PSAT1: variants seen among roughly 807,000 people sequenced by gnomAD.
PSAT1 encodes phosphoserine aminotransferase.
In PSAT1, 41 loss-of-function variants were observed where a neutral mutation model predicts 40.3. The observed-to-expected ratio is 1.02, with a 90% CI of 0.79 to 1.32. PSAT1 has a LOEUF of 1.32. Among genes scored for constraint, PSAT1 ranks in the 40% most tolerant of loss-of-function variants. The pLI, the probability that PSAT1 is intolerant of heterozygous loss-of-function variation, is 0.00. For missense variants in PSAT1, 406 were observed against 455.8 expected, an observed-to-expected ratio of 0.89 and a Z score of 0.99; for synonymous variants, 147 against 170.5, an observed-to-expected ratio of 0.86 and a Z score of 1.07.
chr9:78,309,807 G>T (rs1180596546), intron 6 of PSAT1, among the ~76,000 whole-genome samples: 1 of 152,200 alleles, frequency 6.6e-6, no homozygotes. Flanking sequence ...TGGGTATTTT[G>T]AGAAAATCTT....
chr9:78,307,781 C>A (rs189503654), intron 5 of PSAT1, among the ~76,000 whole-genome samples: 74 of 152,304 alleles, frequency 4.9e-4, no homozygotes, highest in African/African-American at 1.7e-3. Context: ...GTGGCTCAGG[C>A]CTGTAATCCC....
At chr9:78,305,197 C>T (rs1828163532) in intron 4 of PSAT1, among the ~76,000 whole-genome samples, 1 of 152,192 alleles carries the variant, frequency 6.6e-6, no homozygotes, top group African/African-American at 2.4e-5. Flanking sequence ...TCACTGCAAC[C>T]TCCGCCTCCC....
chr9:78,327,788 T>C (rs945740374), intron 7 of PSAT1, among the ~76,000 whole-genome samples: 2 of 152,180 alleles, frequency 1.3e-5, no homozygotes, highest in Non-Finnish European at 2.9e-5. Flanking sequence ...ATATTATTAT[T>C]CCCAGTATTC....
chr9:78,306,329 G>A lies in PSAT1; in HGVS notation c.413G>A (p.Ser138Asn). 2 of 1,612,226 alleles carry A rather than the reference G, an allele frequency of 1.2e-6. No individual in the cohort carries two copies. Among genetic ancestry groups the A allele is most frequent in the Non-Finnish European group, 1.7e-6 (2 of 1,179,884 alleles). ...TCTGTGATAGAAATTCCAGATCCAA[G>A]CACCTGGAACCTCAACCCAGATGCC... ...LGSYTKIPDPSTWNLNPDASY... is the reference protein window; with the variant it reads ...LGSYTKIPDPNTWNLNPDASY... Residue 138 changes from serine (S) to asparagine (N), a missense_variant, in exon 5 of 9, where the codon AGC becomes AAC. By Grantham distance (46) the Ser-to-Asn change is conservative (BLOSUM62 1). Coordinates refer to ENST00000376588, the MANE Select transcript of PSAT1 (RefSeq NM_058179.4).
intron 7 of PSAT1, among the ~76,000 whole-genome samples, chr9:78,325,399 TCCCAGCA>T (rs1828482410): frequency 6.6e-6 from 1 of 152,294 alleles, no homozygotes; most frequent in Non-Finnish European, 1.5e-5. Context: ...CCAGTCCAGT[TCCCAGCA>T]GGGCACTCCA....
intron 1 of PSAT1, 105 bp downstream of exon 1, chr9:78,297,375 T>A: frequency 6.8e-6 from 9 of 1,316,644 alleles, no homozygotes; most frequent in Non-Finnish European, 9.5e-6. Context: ...CTCCCTGCCT[T>A]GAGTCCCCTA....
chr9:78,317,134 A>G (rs577310157), intron 6 of PSAT1, among the ~76,000 whole-genome samples: 1 of 152,308 alleles, frequency 6.6e-6, no homozygotes, highest in South Asian at 2.1e-4. Flanking sequence ...TGTTTAGTGA[A>G]AAATCTGATT....
chr9:78,317,566 A>G, intron 6 of PSAT1, 110 bp from the exon 7 acceptor site: 1 of 1,297,432 alleles, frequency 7.7e-7, no homozygotes, highest in Non-Finnish European at 1.1e-6. Flanking sequence ...GTCTATTTCA[A>G]ATAATGTGTT....
At chr9:78,297,769 G>T (rs749390845) in intron 1 of PSAT1, among the ~76,000 whole-genome samples, 1 of 152,228 alleles carries the variant, frequency 6.6e-6, no homozygotes, top group Non-Finnish European at 1.5e-5. Context: ...ATATGCAGTG[G>T]ATCACGTTAG....
chr9:78,320,068 C>T (rs1430837709), intron 7 of PSAT1, among the ~76,000 whole-genome samples: 1 of 151,836 alleles, frequency 6.6e-6, no homozygotes, highest in Non-Finnish European at 1.5e-5. Flanking sequence ...ACCATTGACC[C>T]ACCCATCCAT....
chr9:78,298,647 A>G (rs1042371908), intron 1 of PSAT1, among the ~76,000 whole-genome samples: 1 of 151,998 alleles, frequency 6.6e-6, no homozygotes, highest in Non-Finnish European at 1.5e-5. Flanking sequence ...TGTAATGGCA[A>G]TTGTCATCAG....
intron 7 of PSAT1, 143 bp downstream of exon 7, chr9:78,317,947 G>A (rs1028344767): frequency 6.7e-6 from 7 of 1,045,768 alleles, no homozygotes; most frequent in Non-Finnish European, 1.0e-5. Context: ...TGGGCCCCAT[G>A]AGCAGGGGAG....
At chr9:78,312,803 G>A (rs1367557470) in intron 6 of PSAT1, among the ~76,000 whole-genome samples, 2 of 152,210 alleles carry the variant, frequency 1.3e-5, no homozygotes, top group Non-Finnish European at 2.9e-5. Context: ...CTCCCAGTGG[G>A]ATGGGGATGC....
chr9:78,309,659 G>A (rs957889764), intron 6 of PSAT1, among the ~76,000 whole-genome samples: 3 of 152,162 alleles, frequency 2.0e-5, no homozygotes, highest in Non-Finnish European at 4.4e-5. Flanking sequence ...CACCACAACC[G>A]GCCAACATCT....
rs751156725 is a variant in PSAT1 at position 78,306,355 on chromosome 9, T to A, written c.439T>A (p.Ser147Thr). 1.2e-6 allele frequency: 2 copies of A among 1,612,868 alleles called. No individual in the cohort carries two copies. The highest frequency in any genetic ancestry group is 1.7e-6 in the Non-Finnish European group (2 of 1,179,974). Residue 147 changes from serine (S) to threonine (T), a missense_variant, in exon 5 of 9, where the codon TCC becomes ACC. By Grantham distance (58) the Ser-to-Thr change is moderately conservative. Transcript: ENST00000376588. ...CACCTGGAACCTCAACCCAGATGCCTCCTACGTGTATTATTGCGCAAATGA... is the reference window on the plus strand; with the variant it reads ...CACCTGGAACCTCAACCCAGATGCCACCTACGTGTATTATTGCGCAAATGA... ...PSTWNLNPDASYVYYCANETV... is the reference protein window; with the variant it reads ...PSTWNLNPDATYVYYCANETV...
At chr9:78,326,803 G>C (rs1181004499) in intron 7 of PSAT1, among the ~76,000 whole-genome samples, 1 of 151,286 alleles carries the variant, frequency 6.6e-6, no homozygotes, top group African/African-American at 2.4e-5. Context: ...TCATTCTACT[G>C]AAGTCGTCAT....
At chr9:78,298,522 T>G (rs1025025818) in intron 1 of PSAT1, 34 of 740,476 alleles carry the variant, frequency 4.6e-5, no homozygotes, top group Non-Finnish European at 3.6e-5. Context: ...TTAGGCGAGA[T>G]TCCCTGCTCC....
chr9:78,304,328 T>C (rs1430650440), intron 3 of PSAT1, among the ~76,000 whole-genome samples: 1 of 152,208 alleles, frequency 6.6e-6, no homozygotes, highest in Non-Finnish European at 1.5e-5. Flanking sequence ...AGAAACAGCT[T>C]TCCTTACCTA....
chr9:78,304,385 G>C (rs918534754), intron 3 of PSAT1, among the ~76,000 whole-genome samples: 9 of 152,178 alleles, frequency 5.9e-5, no homozygotes, highest in Non-Finnish European at 2.9e-5. Flanking sequence ...GGCCAGCCTG[G>C]GGCAGGTACT....
Sources: gnomAD v4.1 joint callset for allele counts (sites outside exome capture counted in the v4.1 genomes callset) on GRCh38, gnomAD v4.1.1 for gene constraint, MANE v1.5 for transcripts, NCBI Gene and HGNC (gene_info 2026-07-23, HGNC 2026-07-21) for gene names.